PLCG1: variants seen among roughly 807,000 people sequenced by gnomAD.
The protein encoded by PLCG1 is 1-phosphatidylinositol 4,5-bisphosphate phosphodiesterase gamma-1.
A neutral mutation model predicts 177.8 loss-of-function variants in PLCG1; 71 were observed. The observed-to-expected ratio is 0.40, with a 90% CI of 0.33 to 0.49. PLCG1 has a LOEUF of 0.49. Among genes scored for constraint, PLCG1 ranks in the 20% least tolerant of loss-of-function variants. The pLI, the probability that PLCG1 is intolerant of heterozygous loss-of-function variation, is 0.72. For missense variants in PLCG1, 1,281 were observed against 1,709.0 expected (o/e 0.75, Z 4.42); for synonymous variants, 658 against 647.9 (o/e 1.02, Z -0.24).
intron 20 of PLCG1, among the ~76,000 whole-genome samples, chr20:41,168,375 G>C (rs978257349): frequency 1.3e-5 from 2 of 152,248 alleles, no homozygotes; most frequent in African/African-American, 4.8e-5. Context: ...TCACAGATGA[G>C]TGGTAGGGTC....
In PLCG1 at chr20:41,159,613, T is replaced by G. The variant is rs575245766; in HGVS notation, c.225T>G (p.Ile75Met). ...GADKIEGAID[I>M]REIKEIRPGK... ...TCTTTGCTACCTTCCTAGTTGACAT[T>G]CGTGAAATTAAGGAGATCCGCCCAG... The change falls in exon 2 of 32, where the codon ATT (isoleucine) becomes ATG (methionine). Residue 75 changes from isoleucine (I) to methionine (M), a missense_variant. By Grantham distance (10) the Ile-to-Met change is conservative (BLOSUM62 1). Transcript: ENST00000685551. This position sits in a 1 kb window ranked among gnomAD's most constrained non-coding sequence, Gnocchi z 6.0. 8.7e-6 allele frequency: 14 copies of G among 1,613,870 alleles called. No homozygotes were observed. Among genetic ancestry groups the G allele is most frequent in the Non-Finnish European group, 1.2e-5 (14 of 1,179,970 alleles).
In PLCG1 at chr20:41,162,962, ACCT is replaced by A; in HGVS notation, c.689_691del (p.Leu230del). The A allele has an allele frequency of 6.2e-7, 1 of 1,613,464 alleles. No homozygotes were observed. Among genetic ancestry groups the A allele is most frequent in the Non-Finnish European group, 8.5e-7 (1 of 1,179,788 alleles). The stretch of plus-strand genomic sequence containing the variant: ...ACCAGGTTCTGTTTCCTGCAGATGG[ACCT>A]CCCCTTCTTGGAAGCCAGTACTCTG... On this transcript the variant is annotated inframe_deletion, in exon 7 of 32. Coordinates refer to ENST00000685551, the MANE Select transcript of PLCG1 (RefSeq NM_002660.3).
Position 41,162,718 on chromosome 20 carries a change from A to G in PLCG1, c.674A>G (p.Gln225Arg), listed in dbSNP as rs2035552323. The G allele has an allele frequency of 1.2e-6, 2 of 1,612,262 alleles. No individual in the cohort carries two copies. The highest frequency in any genetic ancestry group is 8.5e-7 in the Non-Finnish European group (1 of 1,179,198). ...QLYRSLMYSA[Q>R]KTMDLPFLEA... ...TACCGCAGCCTCATGTACAGCGCCC[A>G]GAAGACGGTGCATGAGCCACCTGCC... Residue 225 changes from glutamine (Q) to arginine (R), a missense_variant, in exon 6 of 32, where the codon CAG becomes CGG. By Grantham distance (43) the Gln-to-Arg change is conservative (BLOSUM62 1). This residue lies in a region of PLCG1 where 374 missense variants were observed against 443.8 expected (regional missense o/e 0.84). Coordinates refer to ENST00000685551, the MANE Select transcript of PLCG1 (RefSeq NM_002660.3).
chr20:41,151,908 G>A lies in PLCG1; in HGVS notation c.218-7698G>A, dbSNP rs1027128476. Among the ~76,000 whole-genome samples the A allele has an allele frequency of 6.6e-6, 1 of 152,216 alleles. No individual in the cohort carries two copies. Among genetic ancestry groups the A allele is most frequent in the African/African-American group, 2.4e-5 (1 of 41,464 alleles). On this transcript the variant is annotated intron_variant, in intron 1 of 31. Coordinates refer to ENST00000685551, the MANE Select transcript of PLCG1 (RefSeq NM_002660.3). This position sits in a 1 kb window ranked among gnomAD's most constrained non-coding sequence, Gnocchi z 5.5. ...AGAGCCCCTGTGCCTCTGGCTGCCT[G>A]TGAAGGGGGATCTGCAGTGCAGTGC...
At position 41,153,399 on chromosome 20, in the gene PLCG1, C is replaced by G. The variant is rs1352015816; in HGVS notation, c.218-6207C>G. 6.6e-6 allele frequency among the ~76,000 whole-genome samples: 1 copy of G among 152,162 alleles called. No homozygotes were observed. The highest frequency in any genetic ancestry group is 1.5e-5 in the Non-Finnish European group (1 of 68,018). On this transcript the variant is annotated intron_variant, in intron 1 of 31. Transcript: ENST00000685551. This position sits in a 1 kb window ranked among gnomAD's most constrained non-coding sequence, Gnocchi z 5.1. ...CCTCAAACCCTTGGGCTCAAGTGAT[C>G]TTTCCCACCGCCTCCCAAGTAGCTG... is the stretch of plus-strand genomic sequence containing the variant.
Position 41,166,083 on chromosome 20 carries a change from C to CCTCCCTCCTTGAGG in PLCG1, c.1800-97_1800-84dup, listed in dbSNP as rs1045988288. 3.4e-5 allele frequency: 31 copies of CCTCCCTCCTTGAGG among 924,434 alleles called. No individual in the cohort carries two copies. Among genetic ancestry groups the CCTCCCTCCTTGAGG allele is most frequent in the South Asian group, 2.3e-4 (15 of 64,586 alleles). 57.3% of individuals were successfully genotyped at this position (924,434 alleles called of 1,614,324 possible). ...ACACCTGAGCTCCTCAGGAGATTGGCCTCCCTCCTTGAGGCTCCCTCCTTG... is the reference window on the plus strand; with the variant it reads ...ACACCTGAGCTCCTCAGGAGATTGGCCTCCCTCCTTGAGGCTCCCTCCTTGAGGCTCCCTCCTTG... On this transcript the variant is annotated intron_variant, in intron 16 of 31. Coordinates refer to ENST00000685551, the MANE Select transcript of PLCG1 (RefSeq NM_002660.3). The surrounding 1 kb of genome is among the most constrained non-coding windows in gnomAD (Gnocchi z 8.6).
At chr20:41,169,599 C>T (rs2035828080) in intron 23 of PLCG1, 73 bp downstream of exon 23, 1 of 1,210,466 alleles carries the variant, frequency 8.3e-7, no homozygotes, top group Admixed American at 1.8e-5. Context: ...TTTCCTGCTC[C>T]TAGGGAGGAA....
Position 41,163,864 on chromosome 20 carries a change from T to G in PLCG1, c.1010+31T>G, listed in dbSNP as rs1176797091. On this transcript the variant is annotated intron_variant, in intron 10 of 31. Coordinates refer to ENST00000685551, the MANE Select transcript of PLCG1 (RefSeq NM_002660.3). This position sits in a 1 kb window ranked among gnomAD's most constrained non-coding sequence, Gnocchi z 5.2. Reference sequence around the variant, plus strand: ...TGTGGCTCCTTCAGGCCCACCCAGCTTCTTCCCCAGGAGGGCCCATCTGAC... The same window carrying G: ...TGTGGCTCCTTCAGGCCCACCCAGCGTCTTCCCCAGGAGGGCCCATCTGAC... 6.2e-7 allele frequency: 1 copy of G among 1,608,884 alleles called. No individual in the cohort carries two copies. The highest frequency in any genetic ancestry group is 1.7e-5 in the Admixed American group (1 of 60,026).
In PLCG1 at chr20:41,173,363, T is replaced by TG. The variant is rs1041726598; in HGVS notation, c.3280-53dup. On this transcript the variant is annotated intron_variant, in intron 27 of 31. Transcript: ENST00000685551. This position sits in a 1 kb window ranked among gnomAD's most constrained non-coding sequence, Gnocchi z 6.2. ...ACAGATGCTGACTGAGCCTCCGCAG[T>TG]GGGGAATTGGAGGGAGCAGGAAGGA... is the stretch of plus-strand genomic sequence containing the variant. 2 of 1,476,168 alleles carry TG rather than the reference T, an allele frequency of 1.4e-6. No homozygotes were observed. The highest frequency in any genetic ancestry group is 2.4e-5 in the Admixed American group (1 of 42,310). 91.4% of individuals were successfully genotyped at this position (1,476,168 alleles called of 1,614,324 possible). A position where few individuals can be genotyped will look rare whatever the true frequency, so the allele number is the denominator to read the frequency against.
In PLCG1 at chr20:41,160,212, G is replaced by A; in HGVS notation, c.512+59G>A. 1.3e-6 allele frequency: 2 copies of A among 1,532,320 alleles called. No individual in the cohort carries two copies. The highest frequency in any genetic ancestry group is 1.8e-6 in the Non-Finnish European group (2 of 1,106,742). The allele number at this position is 1,532,320 out of a possible 1,614,324, so 94.9% of individuals were successfully genotyped here. On this transcript the variant is annotated intron_variant, in intron 4 of 31. Coordinates refer to ENST00000685551, the MANE Select transcript of PLCG1 (RefSeq NM_002660.3). This position sits in a 1 kb window ranked among gnomAD's most constrained non-coding sequence, Gnocchi z 5.5. Reference sequence around the variant, plus strand: ...GTGGGGATGGGCATCCAGAACCTTAGCCAGGCCTCTAAGTAGCTGCCCGGA... The same window carrying A: ...GTGGGGATGGGCATCCAGAACCTTAACCAGGCCTCTAAGTAGCTGCCCGGA...
chr20:41,168,284 TC>T (rs2035770479), intron 20 of PLCG1, among the ~76,000 whole-genome samples: 1 of 152,252 alleles, frequency 6.6e-6, no homozygotes, highest in East Asian at 1.9e-4. Flanking sequence ...TTTGCCTTTT[TC>T]TCTAAAAAGG....
chr20:41,172,282 T>G lies in PLCG1; in HGVS notation c.2898T>G (p.Asp966Glu). The G allele has an allele frequency of 6.2e-7, 1 of 1,613,140 alleles. No homozygotes were observed. Among genetic ancestry groups the G allele is most frequent in the Non-Finnish European group, 8.5e-7 (1 of 1,179,090 alleles). The change falls in exon 25 of 32, where the codon GAT (aspartate) becomes GAG (glutamate). Residue 966 changes from aspartate to glutamate, a missense_variant. By Grantham distance (45) the Asp-to-Glu change is conservative (BLOSUM62 2). This residue lies in a region of PLCG1 where 723 missense variants were observed against 1,030.0 expected (regional missense o/e 0.70). Coordinates refer to ENST00000685551, the MANE Select transcript of PLCG1 (RefSeq NM_002660.3). This position sits in a 1 kb window ranked among gnomAD's most constrained non-coding sequence, Gnocchi z 7.0. ...TCTACTGCCGGCCTGTTCCCTTTGA[T>G]GAAGAGAGTAAGGGCCAGGGCCCAG... The part of the protein sequence containing the change: ...LVVYCRPVPF[D>E]EEKIGTERAC...
intron 1 of PLCG1, among the ~76,000 whole-genome samples, chr20:41,155,045 C>T (rs886218249): frequency 5.9e-5 from 9 of 152,322 alleles, no homozygotes; most frequent in African/African-American, 2.2e-4. Flanking sequence ...TGGTCTCAGG[C>T]CAGGAGTCTG....
Position 41,137,571 on chromosome 20 carries a change from T to A in PLCG1, c.-71T>A. ...TGCCGCCTCAGCCTCAGCCCCAACC[T>A]CAGCCGCCGCCGTTGCGCTTGCTCC... On this transcript the variant is annotated 5_prime_UTR_variant, in exon 1 of 32. Coordinates refer to ENST00000685551, the MANE Select transcript of PLCG1 (RefSeq NM_002660.3). The surrounding 1 kb of genome is among the most constrained non-coding windows in gnomAD (Gnocchi z 7.3). 1.0e-6 allele frequency: 1 copy of A among 972,728 alleles called. No homozygotes were observed. Among genetic ancestry groups the A allele is most frequent in the Non-Finnish European group, 1.3e-6 (1 of 749,622 alleles). 60.3% of individuals were successfully genotyped at this position (972,728 alleles called of 1,614,324 possible).
Position 41,155,704 on chromosome 20 carries a change from T to C in PLCG1, c.218-3902T>C, listed in dbSNP as rs556393630. Among the ~76,000 whole-genome samples the C allele has an allele frequency of 2.1e-4, 32 of 152,318 alleles. No individual in the cohort carries two copies. The South Asian group carries it at 6.6e-3, about 32-fold the overall frequency. On this transcript the variant is annotated intron_variant, in intron 1 of 31. Coordinates refer to ENST00000685551, the MANE Select transcript of PLCG1 (RefSeq NM_002660.3). ...CTAGTGGAGCCTTGGCAAGTGGCCT[T>C]ATTTGTCTCCACTACTGCCAGCTTT...
Position 41,172,575 on chromosome 20 carries a change from C to T in PLCG1, c.3060C>T (p.Ser1020=), listed in dbSNP as rs369068707. 9.9e-6 allele frequency: 16 copies of T among 1,614,222 alleles called. No homozygotes were observed. In the African/African-American group the frequency reaches 1.9e-4, roughly 19 times the overall value. ...ACCCCAAGGGCCAGCGACTGGATTC[C>T]TCCAACTACGATCCTTTGCCCATGT... ...RIYPKGQRLD[S]SNYDPLPMWI... is the part of the protein sequence containing the mutation. Residue 1020 remains serine, a synonymous_variant, in exon 26 of 32, where the codon TCC becomes TCT. Transcript: ENST00000685551. This position sits in a 1 kb window ranked among gnomAD's most constrained non-coding sequence, Gnocchi z 7.0.
chr20:41,168,086 C>T (rs962889077), intron 20 of PLCG1, among the ~76,000 whole-genome samples, 157 bp downstream of exon 20: 1 of 152,046 alleles, frequency 6.6e-6, no homozygotes, highest in African/African-American at 2.4e-5. Context: ...GGTTGGTGAG[C>T]GACCGCAGGT....
Position 41,163,701 on chromosome 20 carries a change from A to G in PLCG1, c.892-14A>G, listed in dbSNP as rs965530899. 2 of 1,548,482 alleles carry G rather than the reference A, an allele frequency of 1.3e-6. No individual in the cohort carries two copies. The highest frequency in any genetic ancestry group is 1.7e-5 in the Admixed American group (1 of 59,924). On this transcript the variant is annotated splice_polypyrimidine_tract_variant and intron_variant, in intron 9 of 31. Transcript: ENST00000685551. The surrounding 1 kb of genome is among the most constrained non-coding windows in gnomAD (Gnocchi z 5.2). ...GGACTCACTGTCTCTTCCCTTCCAC[A>G]TGTTTCTGGACAGTTTGTCACCTTC...
At position 41,165,285 on chromosome 20, in the gene PLCG1, C is replaced by T; in HGVS notation, c.1427C>T (p.Pro476Leu). ...LAEGSAYEEV[P>L]TSMMYSENDI... Reference sequence around the variant, plus strand: ...GAGGGCAGTGCCTACGAGGAGGTGCCTACATCCATGATGTACTCTGAGAAC... The same window carrying T: ...GAGGGCAGTGCCTACGAGGAGGTGCTTACATCCATGATGTACTCTGAGAAC... The change falls in exon 14 of 32, where the codon CCT becomes CTT. Residue 476 changes from proline to leucine, a missense_variant. By Grantham distance (98) the Pro-to-Leu change is moderately conservative. This residue lies in a region of PLCG1 where 723 missense variants were observed against 1,030.0 expected (regional missense o/e 0.70). Transcript: ENST00000685551. This position sits in a 1 kb window ranked among gnomAD's most constrained non-coding sequence, Gnocchi z 6.6. The T allele has an allele frequency of 3.7e-6, 6 of 1,614,018 alleles. No individual in the cohort carries two copies. The highest frequency in any genetic ancestry group is 5.1e-6 in the Non-Finnish European group (6 of 1,179,900).
Sources: allele counts gnomAD v4.1 joint callset (sites outside exome capture counted in the v4.1 genomes callset), GRCh38; gene constraint gnomAD v4.1.1; regional missense constraint gnomAD v4.1.1; non-coding constraint Gnocchi (gnomAD v3.1); transcripts MANE v1.5; gene names NCBI Gene and HGNC (gene_info 2026-07-23, HGNC 2026-07-21).